Variants in RIOX2 observed in about 807,000 individuals in gnomAD.
The protein encoded by RIOX2 is 60S ribosomal protein L27a histidine hydroxylase.
Under a neutral mutation model 51.2 loss-of-function variants are expected in RIOX2, and 43 were observed. The ratio of observed to expected loss-of-function variants is 0.84; its 90% CI spans 0.66 to 1.08. RIOX2 has a LOEUF of 1.08. RIOX2 is among the 50% of genes least tolerant of loss of function. RIOX2 has a pLI of 0.00. For synonymous variants in RIOX2, 226 were observed against 218.5 expected, an observed-to-expected ratio of 1.03 and a Z score of -0.30; for missense variants, 566 against 561.7, an observed-to-expected ratio of 1.01 and a Z score of -0.08.
Position 97,944,252 on chromosome 3 carries a change from C to T in RIOX2, c.*932G>A, listed in dbSNP as rs535655044. ...TAACAGAAACCTCAGTTTTTCACTC[C>T]CATTGTAAGTAACTTTTATTTAAGT... is the stretch of plus-strand genomic sequence containing the variant. On this transcript the variant is annotated 3_prime_UTR_variant, in exon 10 of 10. Coordinates refer to ENST00000394198, the MANE Select transcript of RIOX2 (RefSeq NM_153182.4). 1 of 151,912 alleles carries T rather than the reference C, an allele frequency of 6.6e-6. No homozygotes were observed. The highest frequency in any genetic ancestry group is 1.9e-4 in the East Asian group (1 of 5,164). 9.4% of individuals were successfully genotyped at this position (151,912 alleles called of 1,614,324 possible).
intron 5 of RIOX2, among the ~76,000 whole-genome samples, chr3:97,953,395 T>C (rs76910218): frequency 6.6e-6 from 1 of 152,076 alleles, no homozygotes; most frequent in African/African-American, 2.4e-5. Flanking sequence ...TTTTTTTTTT[T>C]CCTGAGACAG....
rs373397294 is a variant in RIOX2, at chr3:97,942,370, G to A, written c.*2814C>T. The A allele has an allele frequency of 1.6e-5, 25 of 1,611,732 alleles. No homozygotes were observed. Among genetic ancestry groups the A allele is most frequent in the Middle Eastern group, 1.6e-4 (1 of 6,072 alleles). On this transcript the variant is annotated 3_prime_UTR_variant, in exon 10 of 10. Transcript: ENST00000394198. ...TATGGACTGAACATGGGCAATTCAG[G>A]CAGAAGTGGAGACTGAATAAAAATG... is the stretch of plus-strand genomic sequence containing the variant.
chr3:97,967,186 C>A lies in RIOX2; in HGVS notation c.408G>T (p.Gln136His). 6.2e-7 allele frequency: 1 copy of A among 1,613,934 alleles called. No individual in the cohort carries two copies. Among genetic ancestry groups the A allele is most frequent in the Non-Finnish European group, 8.5e-7 (1 of 1,179,892 alleles). Reference protein sequence around the residue: ...KDFDQKRATIQFHQPQRFKDE... With the variant: ...KDFDQKRATIHFHQPQRFKDE... ...CCTTAAATCTCTGAGGTTGGTGAAACTGAATCGTTGCCCTTTTCTGATCAA... is the reference window on the plus strand; with the variant it reads ...CCTTAAATCTCTGAGGTTGGTGAAAATGAATCGTTGCCCTTTTCTGATCAA... The change falls in exon 2 of 10, where the codon CAG becomes CAT. Residue 136 changes from glutamine (Q) to histidine (H), a missense_variant. Coordinates refer to ENST00000394198, the MANE Select transcript of RIOX2 (RefSeq NM_153182.4).
intron 4 of RIOX2, among the ~76,000 whole-genome samples, chr3:97,957,170 C>T (rs1576005671): frequency 6.6e-6 from 1 of 152,186 alleles, no homozygotes; most frequent in African/African-American, 2.4e-5. Context: ...TGGGCATTGA[C>T]ACAAGGTTTC....
intron 9 of RIOX2, 73 bp from the exon 10 acceptor site, chr3:97,945,415 T>C (rs1050797465): frequency 7.5e-7 from 1 of 1,335,166 alleles, no homozygotes; most frequent in East Asian, 2.5e-5. Context: ...TTCCTGTAAA[T>C]TTATTCTCCA....
At chr3:97,952,193 G>T (rs2107150189) in intron 5 of RIOX2, 2 of 1,289,740 alleles carry the variant, frequency 1.6e-6, no homozygotes, top group Non-Finnish European at 2.0e-6. Flanking sequence ...CAAAACACAG[G>T]ATCATTTCTG....
At chr3:97,958,035 G>A (rs1705517065) in intron 4 of RIOX2, among the ~76,000 whole-genome samples, 1 of 151,986 alleles carries the variant, frequency 6.6e-6, no homozygotes, top group Admixed American at 6.6e-5. Context: ...CTGACTAAAA[G>A]CATAAAAAAA....
intron 1 of RIOX2, chr3:97,971,456 C>G (rs745846673): frequency 6.6e-6 from 1 of 152,236 alleles, no homozygotes; most frequent in South Asian, 2.1e-4. Context: ...GTTGCCCAGA[C>G]TGATCTAAAA....
chr3:97,947,477 A>G (rs372727250), intron 7 of RIOX2, 28 bp from the exon 8 acceptor site: 29 of 1,588,254 alleles, frequency 1.8e-5, no homozygotes, highest in Non-Finnish European at 2.5e-5. Flanking sequence ...GAGAAAGCCG[A>G]CCTTCAAAAA....
At chr3:97,952,452 C>A (rs1044382315) in intron 5 of RIOX2, among the ~76,000 whole-genome samples, 2 of 152,138 alleles carry the variant, frequency 1.3e-5, no homozygotes, top group East Asian at 3.9e-4. Context: ...AGGTCCTTAG[C>A]AGAAGCAAAA....
intron 7 of RIOX2, among the ~76,000 whole-genome samples, chr3:97,947,706 A>C (rs1421928744): frequency 6.6e-6 from 1 of 152,184 alleles, no homozygotes; most frequent in Non-Finnish European, 1.5e-5. Context: ...TAAATAGACA[A>C]AAATAATACC....
chr3:97,951,356 T>C (rs1470152394), intron 5 of RIOX2, among the ~76,000 whole-genome samples: 1 of 152,224 alleles, frequency 6.6e-6, no homozygotes, highest in Non-Finnish European at 1.5e-5. Flanking sequence ...TTTGAACAGT[T>C]GTATGTTACA....
chr3:97,963,484 A>G (rs1395941538), intron 2 of RIOX2, among the ~76,000 whole-genome samples: 1 of 152,222 alleles, frequency 6.6e-6, no homozygotes, highest in Non-Finnish European at 1.5e-5. Flanking sequence ...TTTCTACTTA[A>G]CACAGAAAAA....
intron 1 of RIOX2, among the ~76,000 whole-genome samples, chr3:97,970,669 G>C (rs1319260152): frequency 6.6e-6 from 1 of 152,138 alleles, no homozygotes; most frequent in African/African-American, 2.4e-5. Context: ...AAATATTTCT[G>C]TAAAATCACA....
chr3:97,970,512 ACATAT>A (rs1179081949), intron 1 of RIOX2, among the ~76,000 whole-genome samples: 1 of 152,256 alleles, frequency 6.6e-6, no homozygotes, highest in African/African-American at 2.4e-5. Flanking sequence ...GTCTTAAGGT[ACATAT>A]CATAATTTCG....
At chr3:97,951,235 G>A (rs1705234653) in intron 5 of RIOX2, 1 of 214,808 alleles carries the variant, frequency 4.7e-6, no homozygotes, top group South Asian at 9.0e-5. Context: ...TGTCTATGAG[G>A]GGAGATTTGT....
At chr3:97,960,449 T>C (rs1705633344) in intron 3 of RIOX2, among the ~76,000 whole-genome samples, 1 of 152,186 alleles carries the variant, frequency 6.6e-6, no homozygotes, top group African/African-American at 2.4e-5. Context: ...GTTAACCAAT[T>C]TATGCTATCA....
intron 5 of RIOX2, among the ~76,000 whole-genome samples, chr3:97,952,904 G>A (rs965061904): frequency 2.6e-5 from 4 of 152,188 alleles, no homozygotes; most frequent in Admixed American, 2.0e-4. Flanking sequence ...TTCTACTTGT[G>A]GGAAAGATAG....
In RIOX2 at chr3:97,961,722, G is replaced by T; in HGVS notation, c.433-14C>A. 2.5e-6 allele frequency: 4 copies of T among 1,577,178 alleles called. No homozygotes were observed. The highest frequency in any genetic ancestry group is 2.6e-6 in the Non-Finnish European group (3 of 1,169,604). On this transcript the variant is annotated splice_polypyrimidine_tract_variant and intron_variant, in intron 2 of 9. Coordinates refer to ENST00000394198, the MANE Select transcript of RIOX2 (RefSeq NM_153182.4). The stretch of plus-strand genomic sequence containing the variant: ...CCAAAGCTCATCCTTTACAAAAAAG[G>T]AAAAAAGAAAGGGTCGGCGTGGGGG...
Sources: gnomAD v4.1 joint callset for allele counts (sites outside exome capture counted in the v4.1 genomes callset) on GRCh38, gnomAD v4.1.1 for gene constraint, MANE v1.5 for transcripts, NCBI Gene and HGNC (gene_info 2026-07-23, HGNC 2026-07-21) for gene names.